B3GALNT1: variants seen among roughly 807,000 people sequenced by gnomAD.
The protein encoded by B3GALNT1 is UDP-GalNAc:beta-1,3-N-acetylgalactosaminyltransferase 1.
A neutral mutation model predicts 27.3 loss-of-function variants in B3GALNT1; 17 were observed. The observed-to-expected ratio is 0.62, with a 90% CI of 0.43 to 0.94. The LOEUF is 0.94. B3GALNT1 is among the 40% of genes least tolerant of loss of function. The pLI is 0.00. For synonymous variants in B3GALNT1, 141 were observed against 144.0 expected, an observed-to-expected ratio of 0.98 and a Z score of 0.15; for missense variants, 347 against 390.0, an observed-to-expected ratio of 0.89 and a Z score of 0.93.
chr3:161,091,314 A>G (rs1220458818), intron 4 of B3GALNT1, among the ~76,000 whole-genome samples: 4 of 152,204 alleles, frequency 2.6e-5, no homozygotes, highest in Admixed American at 6.5e-5. Context: ...GAAAAATGCC[A>G]ATTAGAAATG....
At chr3:161,103,995 G>A (rs1053629976) in intron 2 of B3GALNT1, 3 of 218,810 alleles carry the variant, frequency 1.4e-5, no homozygotes, top group Non-Finnish European at 2.8e-5. Context: ...CCAAAGTGCT[G>A]GAATTACTGG....
At position 161,086,573 on chromosome 3, in the gene B3GALNT1, T is replaced by TGG; in HGVS notation, c.181_182insCC (p.Gln61ProfsTer25). 1 of 1,614,172 alleles carries TGG rather than the reference T, an allele frequency of 6.2e-7. No homozygotes were observed. The highest frequency in any genetic ancestry group is 8.5e-7 in the Non-Finnish European group (1 of 1,180,020). On this transcript the variant is annotated frameshift_variant, in exon 5 of 5. Coordinates refer to ENST00000320474, the MANE Select transcript of B3GALNT1 (RefSeq NM_003781.4). LOFTEE classifies it high-confidence loss of function. The stretch of plus-strand genomic sequence containing the variant: ...CTCTCGAAGTGTGAAGTGAAAGTCT[T>TGG]GTCTGTAAATCGGCTCATACTCATA...
intron 4 of B3GALNT1, among the ~76,000 whole-genome samples, chr3:161,092,757 ATTTTTCTTTTT>A (rs1725881509): frequency 9.0e-6 from 1 of 111,440 alleles, no homozygotes; most frequent in African/African-American, 3.5e-5. Context: ...CAAAAGTTTC[ATTTTTCTTTTT>A]TTTTTTTTTT....
rs905206710 is a variant in B3GALNT1 at position 161,086,801 on chromosome 3, T to G, written c.-34-13A>C. On this transcript the variant is annotated splice_polypyrimidine_tract_variant and intron_variant, in intron 4 of 4. Transcript: ENST00000320474. The stretch of plus-strand genomic sequence containing the variant: ...CGAGCCGAAGGTTCTGGAAGAGTTA[T>G]CAAAGATTGGGTTAATATTCCACAC... 2 of 1,606,864 alleles carry G rather than the reference T, an allele frequency of 1.2e-6. No individual in the cohort carries two copies. The highest frequency in any genetic ancestry group is 2.7e-5 in the African/African-American group (2 of 74,774).
chr3:161,086,115 A>C lies in B3GALNT1; in HGVS notation c.640T>G (p.Ser214Ala), dbSNP rs1484914790. The C allele has an allele frequency of 6.2e-7, 1 of 1,606,724 alleles. No homozygotes were observed. The highest frequency in any genetic ancestry group is 8.5e-7 in the Non-Finnish European group (1 of 1,176,894). ...GTTTTTTGGTAAAATCCTCTATAGG[A>C]ATAATTATCAATTAGAGGATAACCT... is the stretch of plus-strand genomic sequence containing the variant. The part of the protein sequence containing the change: ...FTGYPLIDNY[S>A]YRGFYQKTHI... The change falls in exon 5 of 5, where the codon TCC (serine) becomes GCC (alanine). Residue 214 changes from serine (S) to alanine (A), a missense_variant. By Grantham distance (99) the Ser-to-Ala change is moderately conservative. Coordinates refer to ENST00000320474, the MANE Select transcript of B3GALNT1 (RefSeq NM_003781.4).
At chr3:161,099,439 G>C (rs1168325067) in intron 4 of B3GALNT1, among the ~76,000 whole-genome samples, 1 of 152,170 alleles carries the variant, frequency 6.6e-6, no homozygotes, top group East Asian at 1.9e-4. Context: ...AGGGCAGGAT[G>C]GGGGGCCATT....
intron 4 of B3GALNT1, among the ~76,000 whole-genome samples, chr3:161,087,022 T>C (rs1201119306): frequency 6.6e-6 from 1 of 152,228 alleles, no homozygotes; most frequent in African/African-American, 2.4e-5. Flanking sequence ...TTTGATTATT[T>C]TGTAGTAGTT....
At chr3:161,101,343 G>A in intron 3 of B3GALNT1, 110 bp from the exon 4 acceptor site, 1 of 520,232 alleles carries the variant, frequency 1.9e-6, no homozygotes, top group South Asian at 1.6e-5. Context: ...ACTGGAGGAA[G>A]AGTATCGGGG....
intron 4 of B3GALNT1, among the ~76,000 whole-genome samples, chr3:161,097,076 C>A (rs1350373980): frequency 6.6e-6 from 1 of 152,222 alleles, no homozygotes; most frequent in Non-Finnish European, 1.5e-5. Flanking sequence ...CCAGGCCCCA[C>A]CCTAGACCTA....
chr3:161,086,568 A>C lies in B3GALNT1; in HGVS notation c.187T>G (p.Phe63Val). The change falls in exon 5 of 5, where the codon TTT becomes GTT. Residue 63 changes from phenylalanine (F) to valine (V), a missense_variant. Coordinates refer to ENST00000320474, the MANE Select transcript of B3GALNT1 (RefSeq NM_003781.4). ...YEYEPIYRQD[F>V]HFTLREHSNC... ...GAATGCTCTCGAAGTGTGAAGTGAA[A>C]GTCTTGTCTGTAAATCGGCTCATAC... 4 of 1,614,198 alleles carry C rather than the reference A, an allele frequency of 2.5e-6. No individual in the cohort carries two copies. Among genetic ancestry groups the C allele is most frequent in the South Asian group, 1.1e-5 (1 of 91,084 alleles).
At position 161,101,237 on chromosome 3, in the gene B3GALNT1, G is replaced by C; in HGVS notation, c.-129-4C>G. 1.6e-6 allele frequency: 2 copies of C among 1,289,378 alleles called. No homozygotes were observed. Among genetic ancestry groups the C allele is most frequent in the Non-Finnish European group, 2.0e-6 (2 of 988,428 alleles). 79.9% of individuals were successfully genotyped at this position (1,289,378 alleles called of 1,614,324 possible). On this transcript the variant is annotated splice_region_variant and splice_polypyrimidine_tract_variant and intron_variant, in intron 3 of 4. Transcript: ENST00000320474. Reference sequence around the variant, plus strand: ...CGGGTCCAGGGAGCTAAGAAAACTGGAGCAGAGCAAAGATCACAAAGTCAG... The same window carrying C: ...CGGGTCCAGGGAGCTAAGAAAACTGCAGCAGAGCAAAGATCACAAAGTCAG...
chr3:161,092,625 T>C (rs1275714158), intron 4 of B3GALNT1, among the ~76,000 whole-genome samples: 2 of 152,236 alleles, frequency 1.3e-5, no homozygotes, highest in East Asian at 3.9e-4. Context: ...GTATATTAAG[T>C]TTATTAAAAC....
intron 2 of B3GALNT1, 144 bp downstream of exon 2, chr3:161,104,175 G>C (rs569764506): frequency 8.8e-6 from 4 of 455,406 alleles, no homozygotes; most frequent in South Asian, 8.0e-5. Context: ...AGACTGATAC[G>C]CGTTCAGTAA....
chr3:161,102,239 A>T (rs1731725533), intron 3 of B3GALNT1, among the ~76,000 whole-genome samples: 1 of 152,208 alleles, frequency 6.6e-6, no homozygotes, highest in Admixed American at 6.5e-5. Flanking sequence ...AGCAACAGAC[A>T]ATGAGATCCT....
rs748670337 is a variant in B3GALNT1 at position 161,086,827 on chromosome 3, C to G, written c.-34-39G>C. Reference sequence around the variant, plus strand: ...CAAAGATTGGGTTAATATTCCACACCGAAAACACATTTTCAAAAGACATCT... The same window carrying G: ...CAAAGATTGGGTTAATATTCCACACGGAAAACACATTTTCAAAAGACATCT... On this transcript the variant is annotated intron_variant, in intron 4 of 4. Coordinates refer to ENST00000320474, the MANE Select transcript of B3GALNT1 (RefSeq NM_003781.4). The G allele has an allele frequency of 2.6e-6, 4 of 1,568,186 alleles. No individual in the cohort carries two copies. In the South Asian group the frequency reaches 3.5e-5, roughly 14 times the overall value.
intron 4 of B3GALNT1, among the ~76,000 whole-genome samples, chr3:161,098,541 C>A (rs1729490892): frequency 6.6e-6 from 1 of 152,156 alleles, no homozygotes; most frequent in South Asian, 2.1e-4. Flanking sequence ...GGTGAAACCT[C>A]ATCTCTACTA....
chr3:161,095,761 G>A (rs1371861402), intron 4 of B3GALNT1, among the ~76,000 whole-genome samples: 2 of 152,234 alleles, frequency 1.3e-5, no homozygotes, highest in Non-Finnish European at 1.5e-5. Flanking sequence ...GAGCCACAAA[G>A]CTGAAGCAAA....
intron 4 of B3GALNT1, among the ~76,000 whole-genome samples, chr3:161,095,744 A>T (rs1041561995): frequency 6.6e-6 from 1 of 152,274 alleles, no homozygotes; most frequent in Non-Finnish European, 1.5e-5. Context: ...GAGCAGGCTC[A>T]TAAGAGGAGC....
rs888024315 is a variant in B3GALNT1 at position 161,105,317 on chromosome 3, A to C, written c.-391T>G. 6.6e-6 allele frequency: 1 copy of C among 151,930 alleles called. No individual in the cohort carries two copies. The highest frequency in any genetic ancestry group is 1.5e-5 in the Non-Finnish European group (1 of 67,996). The allele number at this position is 151,930 out of a possible 1,614,324, so 9.4% of individuals were successfully genotyped here. ...CTGCGCACACACGCAGCCTCCCCGC[A>C]TCCGCACGCACGGCCGGGCGCGCGC... is the stretch of plus-strand genomic sequence containing the variant. On this transcript the variant is annotated 5_prime_UTR_variant, in exon 1 of 5. The change abolishes an upstream ATG in the 5' untranslated region. Transcript: ENST00000320474.
Sources: gnomAD v4.1 joint callset for allele counts (sites outside exome capture counted in the v4.1 genomes callset) on GRCh38, gnomAD v4.1.1 for gene constraint, MANE v1.5 for transcripts, NCBI Gene and HGNC (gene_info 2026-07-23, HGNC 2026-07-21) for gene names.